The following GPC6 variants were observed in gnomAD, a reference collection of about 807,000 sequenced individuals.
The protein encoded by GPC6 is glypican-6.
Under a neutral mutation model 55.2 loss-of-function variants are expected in GPC6, and 14 were observed. That is an observed-to-expected ratio of 0.25 (90% CI 0.17 to 0.40). GPC6 has a LOEUF of 0.40. GPC6 is among the 10% of genes least tolerant of loss of function. The pLI is 1.00. For missense variants in GPC6, 641 were observed against 708.5 expected (o/e 0.90, Z 1.08); for synonymous variants, 278 against 259.6 (o/e 1.07, Z -0.68).
At chr13:93,984,505 C>T (rs553412798) in intron 3 of GPC6, among the ~76,000 whole-genome samples, 111 of 152,202 alleles carry the variant, frequency 7.3e-4, no homozygotes, top group Non-Finnish European at 1.3e-3. Context: ...ATAAATTTTA[C>T]AGAAGCTTCT....
chr13:94,305,524 A>T (rs552728323), intron 5 of GPC6, among the ~76,000 whole-genome samples: 2 of 152,336 alleles, frequency 1.3e-5, no homozygotes, highest in Non-Finnish European at 2.9e-5. Flanking sequence ...CAAAAATGTG[A>T]AAAACATTGT....
In GPC6 at chr13:94,404,177, G is replaced by A. The variant is rs1342389518; in HGVS notation, c.*960G>A. On this transcript the variant is annotated 3_prime_UTR_variant, in exon 9 of 9. Transcript: ENST00000377047. The stretch of plus-strand genomic sequence containing the variant: ...CTCCCAAAACAATAGTTTTTTTAAT[G>A]AATTGAAACACAATTAGATCCATTC... 6.6e-6 allele frequency: 1 copy of A among 151,750 alleles called. No homozygotes were observed. The highest frequency in any genetic ancestry group is 1.5e-5 in the Non-Finnish European group (1 of 67,970). The allele number at this position is 151,750 out of a possible 1,614,324, so 9.4% of individuals were successfully genotyped here.
intron 1 of GPC6, among the ~76,000 whole-genome samples, chr13:93,337,593 T>C (rs1324650712): frequency 6.6e-6 from 1 of 152,156 alleles, no homozygotes; most frequent in Non-Finnish European, 1.5e-5. Flanking sequence ...TCTATAAGAA[T>C]GCAGATATTC....
upstream of GPC6, among the ~76,000 whole-genome samples, chr13:93,224,436 T>G (rs1345366717): frequency 2.0e-5 from 3 of 152,134 alleles, no homozygotes; most frequent in Non-Finnish European, 4.4e-5. Context: ...TCAGGTGATC[T>G]GCCTGCCTCG....
At chr13:93,938,909 C>T (rs1264222663) in intron 3 of GPC6, among the ~76,000 whole-genome samples, 3 of 151,980 alleles carry the variant, frequency 2.0e-5, no homozygotes, top group East Asian at 1.9e-4. Flanking sequence ...GGAGACCATC[C>T]GGGCCAACAC....
In GPC6 at chr13:93,916,708, G is replaced by A. The variant is rs192142767; in HGVS notation, c.711+86163G>A. On this transcript the variant is annotated intron_variant, in intron 3 of 8. Coordinates refer to ENST00000377047, the MANE Select transcript of GPC6 (RefSeq NM_005708.5). ...TGTGAAATGCACTTTAAGTTAATAC[G>A]AAACTGTGTTGTTCTATTGACCTAG... Among the ~76,000 whole-genome samples the A allele has an allele frequency of 6.5e-4, 98 of 151,204 alleles. 1 individual carries two copies. Among genetic ancestry groups the A allele is most frequent in the African/African-American group, 2.1e-3 (87 of 41,258 alleles).
chr13:94,130,957 A>C (rs999121304), intron 4 of GPC6, among the ~76,000 whole-genome samples: 17 of 152,120 alleles, frequency 1.1e-4, no homozygotes, highest in Non-Finnish European at 2.2e-4. Flanking sequence ...TACTGAGTTG[A>C]ATAACTAGAC....
chr13:93,329,852 A>AT (rs1566302186), intron 1 of GPC6, among the ~76,000 whole-genome samples: 1 of 151,612 alleles, frequency 6.6e-6, no homozygotes. Flanking sequence ...CAAAAAAAAA[A>AT]CCCTTGTTGC....
chr13:93,491,870 A>C (rs1490444227), intron 1 of GPC6, among the ~76,000 whole-genome samples: 1 of 103,510 alleles, frequency 9.7e-6, no homozygotes, highest in African/African-American at 3.6e-5. Context: ...GTTCTGCTCC[A>C]TTGATCTTTA....
At chr13:94,379,983 A>G (rs1373056882) in intron 6 of GPC6, among the ~76,000 whole-genome samples, 1 of 152,186 alleles carries the variant, frequency 6.6e-6, no homozygotes, top group Admixed American at 6.5e-5. Context: ...CCAAGAACGC[A>G]CCCCGAAGAA....
intron 4 of GPC6, among the ~76,000 whole-genome samples, chr13:94,218,769 C>T (rs943834640): frequency 6.6e-6 from 1 of 152,116 alleles, no homozygotes; most frequent in African/African-American, 2.4e-5. Flanking sequence ...GGCTCTCAAA[C>T]TTTACTTTGC....
chr13:93,279,973 TG>T (rs1251366107), intron 1 of GPC6, among the ~76,000 whole-genome samples: 4 of 152,292 alleles, frequency 2.6e-5, no homozygotes, highest in Middle Eastern at 6.8e-3. Context: ...ACGAACATAG[TG>T]GGAAATGCCT....
intron 2 of GPC6, among the ~76,000 whole-genome samples, chr13:93,588,934 C>T (rs527947313): frequency 4.0e-4 from 61 of 152,296 alleles, no homozygotes; most frequent in African/African-American, 1.4e-3. Flanking sequence ...CAGAAGCCTT[C>T]TGTACCTGTT....
chr13:93,640,298 A>G (rs1309042958), intron 2 of GPC6, among the ~76,000 whole-genome samples: 1 of 152,130 alleles, frequency 6.6e-6, no homozygotes, highest in East Asian at 1.9e-4. Flanking sequence ...CTCAAGGACA[A>G]TAGGAAAAAT....
At chr13:94,252,908 G>A (rs937817109) in intron 4 of GPC6, among the ~76,000 whole-genome samples, 1 of 150,264 alleles carries the variant, frequency 6.7e-6, no homozygotes, top group East Asian at 2.0e-4. Flanking sequence ...GATAATTAGA[G>A]TTTTCTGGGG....
intron 1 of GPC6, among the ~76,000 whole-genome samples, chr13:93,413,123 C>T (rs1426154093): frequency 6.6e-6 from 1 of 152,120 alleles, no homozygotes; most frequent in Admixed American, 6.6e-5. Flanking sequence ...TTGTGTTGGT[C>T]TGAGTTTATT....
chr13:94,305,721 ATATG>A (rs1390484577), intron 5 of GPC6, among the ~76,000 whole-genome samples: 1 of 152,180 alleles, frequency 6.6e-6, no homozygotes, highest in Non-Finnish European at 1.5e-5. Flanking sequence ...AAATTTGCAA[ATATG>A]TATCTACCAA....
In GPC6 at chr13:93,823,472, A is replaced by G. The variant is rs114763657; in HGVS notation, c.320-6682A>G. Among the ~76,000 whole-genome samples the G allele has an allele frequency of 3.2e-3, 488 of 152,092 alleles. 2 individuals carry two copies. The highest frequency in any genetic ancestry group is 0.011 in the African/African-American group (466 of 41,486). Reference sequence around the variant, plus strand: ...TATCTGCAAACTAGATAAACTAATAACTGATTGCCTTGCAAGTAAGTAAAG... The same window carrying G: ...TATCTGCAAACTAGATAAACTAATAGCTGATTGCCTTGCAAGTAAGTAAAG... On this transcript the variant is annotated intron_variant, in intron 2 of 8. Transcript: ENST00000377047.
At chr13:94,324,323 A>C (rs1026112761) in intron 6 of GPC6, among the ~76,000 whole-genome samples, 2 of 151,914 alleles carry the variant, frequency 1.3e-5, no homozygotes, top group African/African-American at 4.8e-5. Flanking sequence ...AAAAAAAAAA[A>C]AAAAAAACTC....
Sources: gnomAD v4.1 joint callset for allele counts (sites outside exome capture counted in the v4.1 genomes callset) on GRCh38, gnomAD v4.1.1 for gene constraint, MANE v1.5 for transcripts, NCBI Gene and HGNC (gene_info 2026-07-23, HGNC 2026-07-21) for gene names.